STIM1: variants seen among roughly 807,000 people sequenced by gnomAD.
STIM1 encodes the protein stromal interaction molecule 1.
In STIM1, 25 loss-of-function variants were observed where a neutral mutation model predicts 74.7. The ratio of observed to expected loss-of-function variants is 0.33; its 90% CI spans 0.24 to 0.47. The LOEUF is 0.47. Ranked by LOEUF, STIM1 falls within the 20% of genes least tolerant of loss-of-function variation. The pLI is 1.00. For synonymous variants in STIM1, 328 were observed against 348.8 expected (o/e 0.94, Z 0.66); for missense variants, 728 against 920.8 (o/e 0.79, Z 2.71).
chr11:4,019,774 C>G (rs1437127276), intron 2 of STIM1, among the ~76,000 whole-genome samples: 1 of 152,168 alleles, frequency 6.6e-6, no homozygotes, highest in Non-Finnish European at 1.5e-5. Flanking sequence ...TCATCTCAAA[C>G]ATATATCATT....
Position 4,091,587 on chromosome 11 carries a change from C to G in STIM1, c.1940C>G (p.Ser647Cys), listed in dbSNP as rs200385231. 2.5e-6 allele frequency: 4 copies of G among 1,614,258 alleles called. No homozygotes were observed. Among genetic ancestry groups the G allele is most frequent in the Non-Finnish European group, 3.4e-6 (4 of 1,180,048 alleles). ...GGSPHLDSSRSHSPSSPDPDT... is the reference protein window; with the variant it reads ...GGSPHLDSSRCHSPSSPDPDT... ...TCTCCACATTTGGATTCTTCCCGTTCTCACAGCCCCAGCTCCCCAGACCCA... is the reference window on the plus strand; with the variant it reads ...TCTCCACATTTGGATTCTTCCCGTTGTCACAGCCCCAGCTCCCCAGACCCA... The change falls in exon 13 of 13, where the codon TCT (serine) becomes TGT (cysteine). Residue 647 changes from serine (S) to cysteine (C), a missense_variant. This residue lies in a region of STIM1 where 352 missense variants were observed against 370.1 expected (regional missense o/e 0.95). Transcript: ENST00000526596.
intron 5 of STIM1, among the ~76,000 whole-genome samples, chr11:4,064,732 G>T (rs1033281208): frequency 1.5e-4 from 23 of 152,140 alleles, no homozygotes; most frequent in African/African-American, 5.6e-4. Flanking sequence ...GCCACCTCAA[G>T]GTCCATTTTC....
intron 2 of STIM1, among the ~76,000 whole-genome samples, chr11:3,989,663 A>C (rs1224272537): frequency 6.6e-6 from 1 of 152,256 alleles, no homozygotes; most frequent in Admixed American, 6.5e-5. Context: ...TCAAGATGTG[A>C]AATTTATATG....
chr11:3,923,339 T>C (rs2092744295), intron 1 of STIM1, among the ~76,000 whole-genome samples: 2 of 152,156 alleles, frequency 1.3e-5, no homozygotes, highest in South Asian at 4.1e-4. Context: ...CCGAGCGCAG[T>C]GGCTCATGGC....
chr11:3,876,969 GC>G (rs764690170), intron 1 of STIM1, among the ~76,000 whole-genome samples: 110 of 152,092 alleles, frequency 7.2e-4, no homozygotes, highest in Non-Finnish European at 6.0e-4. Context: ...GTTCTGCCCA[GC>G]CCCTTTACTG....
At chr11:4,020,313 C>T (rs898185990) in intron 2 of STIM1, among the ~76,000 whole-genome samples, 5 of 152,122 alleles carry the variant, frequency 3.3e-5, no homozygotes, top group Middle Eastern at 3.4e-3. Context: ...GGATGTGTAC[C>T]GAATAGTGGG....
intron 3 of STIM1, among the ~76,000 whole-genome samples, chr11:4,048,458 GA>G (rs1403464762): frequency 6.6e-6 from 1 of 151,950 alleles, no homozygotes; most frequent in African/African-American, 2.4e-5. Flanking sequence ...CTTTTTTGCT[GA>G]AAATCAGTTG....
At chr11:3,963,410 A>T (rs1210464239) in intron 1 of STIM1, among the ~76,000 whole-genome samples, 1 of 152,184 alleles carries the variant, frequency 6.6e-6, no homozygotes, top group Non-Finnish European at 1.5e-5. Context: ...CCTGCAAAGG[A>T]CATGATCTCG....
chr11:3,907,463 T>G (rs78749852), intron 1 of STIM1, among the ~76,000 whole-genome samples: 1 of 152,338 alleles, frequency 6.6e-6, no homozygotes, highest in African/African-American at 2.4e-5. Flanking sequence ...GTTCTACCTT[T>G]AAAACAAATC....
At chr11:3,982,312 G>A (rs571298592) in intron 2 of STIM1, among the ~76,000 whole-genome samples, 6 of 151,416 alleles carry the variant, frequency 4.0e-5, no homozygotes, top group Admixed American at 1.3e-4. Flanking sequence ...TCGTAAACAT[G>A]AGCCAACGCA....
chr11:3,940,121 G>A (rs1309484163), intron 1 of STIM1, among the ~76,000 whole-genome samples: 3 of 152,224 alleles, frequency 2.0e-5, no homozygotes, highest in East Asian at 1.9e-4. Context: ...GTTTTGTATG[G>A]TTAAAGCACA....
At chr11:3,905,086 C>G (rs1488931307) in intron 1 of STIM1, among the ~76,000 whole-genome samples, 2 of 152,026 alleles carry the variant, frequency 1.3e-5, no homozygotes, top group Non-Finnish European at 2.9e-5. Context: ...AAAGTACTGT[C>G]TGGGAAGCCA....
At chr11:3,896,221 C>A (rs1388471351) in intron 1 of STIM1, among the ~76,000 whole-genome samples, 3 of 146,972 alleles carry the variant, frequency 2.0e-5, no homozygotes, top group Non-Finnish European at 1.5e-5. Flanking sequence ...TGCTCTCTCT[C>A]TACCATTATA....
chr11:3,923,442 C>T (rs1158862819), intron 1 of STIM1, among the ~76,000 whole-genome samples: 3 of 151,896 alleles, frequency 2.0e-5, no homozygotes, highest in Non-Finnish European at 4.4e-5. Flanking sequence ...AACTCTGTCT[C>T]TACTAAAAAT....
chr11:3,960,384 A>C (rs1315515355), intron 1 of STIM1, among the ~76,000 whole-genome samples: 1 of 152,190 alleles, frequency 6.6e-6, no homozygotes, highest in East Asian at 1.9e-4. Flanking sequence ...TTCCTGGATT[A>C]AAAGCTTTTC....
chr11:3,991,936 G>A (rs1275246254), intron 2 of STIM1, among the ~76,000 whole-genome samples: 5 of 100,492 alleles, frequency 5.0e-5, no homozygotes, highest in African/African-American at 7.4e-5. Flanking sequence ...GGCAACAAGA[G>A]TGAAACTCCA....
At chr11:3,894,013 C>G (rs2091978751) in intron 1 of STIM1, among the ~76,000 whole-genome samples, 1 of 152,112 alleles carries the variant, frequency 6.6e-6, no homozygotes, top group Non-Finnish European at 1.5e-5. Flanking sequence ...CTCCGGAGCT[C>G]AAGCGATCTG....
intron 1 of STIM1, among the ~76,000 whole-genome samples, chr11:3,921,139 A>G (rs1303516330): frequency 6.6e-6 from 1 of 152,072 alleles, no homozygotes; most frequent in South Asian, 2.1e-4. Context: ...TCTCTATCCT[A>G]TCTATATTTA....
intron 2 of STIM1, among the ~76,000 whole-genome samples, chr11:4,008,156 G>A (rs1007417595): frequency 6.6e-6 from 1 of 151,876 alleles, no homozygotes; most frequent in African/African-American, 2.4e-5. Flanking sequence ...TTTATGTTTG[G>A]ATATGTTTAG....
Sources: gnomAD v4.1 joint callset for allele counts (sites outside exome capture counted in the v4.1 genomes callset) on GRCh38, gnomAD v4.1.1 for gene constraint, gnomAD v4.1.1 regional missense constraint, MANE v1.5 for transcripts, NCBI Gene and HGNC (gene_info 2026-07-23, HGNC 2026-07-21) for gene names.